The following MYO16 variants were observed in gnomAD, a reference collection of about 807,000 sequenced individuals.
The protein encoded by MYO16 is myosin XVI.
MYO16 carries 94 observed loss-of-function variants against 205.3 expected under a neutral mutation model. That is an observed-to-expected ratio of 0.46 (90% CI 0.39 to 0.54). The LOEUF is 0.54. Among genes scored for constraint, MYO16 ranks in the 20% least tolerant of loss-of-function variants. The pLI, the probability that MYO16 is intolerant of heterozygous loss-of-function variation, is 0.00. For synonymous variants in MYO16, 988 were observed against 954.0 expected, an observed-to-expected ratio of 1.04 and a Z score of -0.66; for missense variants, 2,315 against 2,387.5, an observed-to-expected ratio of 0.97 and a Z score of 0.63.
At chr13:108,938,951 C>T (rs1395807699) in intron 16 of MYO16, among the ~76,000 whole-genome samples, 1 of 152,190 alleles carries the variant, frequency 6.6e-6, no homozygotes, top group Non-Finnish European at 1.5e-5. Context: ...CAAGACTCAC[C>T]GCTCAGGAGA....
At chr13:109,037,713 G>A (rs1184988403) in intron 23 of MYO16, among the ~76,000 whole-genome samples, 1 of 152,034 alleles carries the variant, frequency 6.6e-6, no homozygotes, top group Non-Finnish European at 1.5e-5. Context: ...GGAAGAAAGA[G>A]CTAGAGAGAG....
chr13:108,949,247 G>A (rs906913636), intron 16 of MYO16, among the ~76,000 whole-genome samples: 2 of 152,110 alleles, frequency 1.3e-5, no homozygotes, highest in African/African-American at 2.4e-5. Flanking sequence ...TTAGTCTAAA[G>A]AAGGCACCAT....
intron 29 of MYO16, among the ~76,000 whole-genome samples, chr13:109,122,474 T>G (rs1465068531): frequency 6.6e-6 from 1 of 151,584 alleles, no homozygotes; most frequent in Non-Finnish European, 1.5e-5. Flanking sequence ...TGGTTAGGAG[T>G]TTGAGACCAG....
intron 27 of MYO16, among the ~76,000 whole-genome samples, chr13:109,068,677 C>T (rs975858570): frequency 4.0e-5 from 6 of 151,862 alleles, no homozygotes; most frequent in Admixed American, 3.3e-4. Flanking sequence ...CTGCAACCTC[C>T]ACCTCCCGAG....
At chr13:108,542,471 A>G in the MYO16 span, among the ~76,000 whole-genome samples, 5 of 152,176 alleles carry the variant, frequency 3.3e-5, no homozygotes, top group African/African-American at 1.2e-4. Flanking sequence ...AACCTAAAAT[A>G]AAAGTTAAAA....
At chr13:109,014,483 T>C (rs1310619389) in intron 22 of MYO16, among the ~76,000 whole-genome samples, 3 of 152,174 alleles carry the variant, frequency 2.0e-5, no homozygotes, top group Admixed American at 1.3e-4. Context: ...TTTAAAGTAG[T>C]TTTTTCCAAT....
At chr13:109,168,993 T>C (rs2139888428) in intron 33 of MYO16, among the ~76,000 whole-genome samples, 1 of 152,242 alleles carries the variant, frequency 6.6e-6, no homozygotes, top group Admixed American at 6.5e-5. Context: ...GATTAAGTCG[T>C]TTCATATGCT....
intron 1 of MYO16, among the ~76,000 whole-genome samples, chr13:108,615,135 G>A (rs118014544): frequency 0.019 from 2,813 of 151,928 alleles, 48 homozygotes; most frequent in South Asian, 0.058. Flanking sequence ...AATAATAAAG[G>A]GTAAAGGACG....
chr13:108,927,155 A>G (rs558281730), intron 16 of MYO16, among the ~76,000 whole-genome samples: 1 of 152,260 alleles, frequency 6.6e-6, no homozygotes, highest in African/African-American at 2.4e-5. Flanking sequence ...CCAGATGAAG[A>G]TATAGCACAG....
chr13:108,992,198 G>T (rs1594452663), intron 20 of MYO16, among the ~76,000 whole-genome samples, 178 bp from the exon 21 acceptor site: 1 of 152,024 alleles, frequency 6.6e-6, no homozygotes, highest in Non-Finnish European at 1.5e-5. Context: ...AACAGTTTTG[G>T]GGGGGCTAAC....
chr13:109,044,081 G>A (rs1886965188), intron 23 of MYO16, among the ~76,000 whole-genome samples: 1 of 152,148 alleles, frequency 6.6e-6, no homozygotes, highest in African/African-American at 2.4e-5. Flanking sequence ...CCGAATTACA[G>A]TCAGATCCAA....
At chr13:108,907,809 A>C (rs571285800) in intron 15 of MYO16, among the ~76,000 whole-genome samples, 1 of 152,172 alleles carries the variant, frequency 6.6e-6, no homozygotes, top group Non-Finnish European at 1.5e-5. Flanking sequence ...TTAGTTTTGA[A>C]TACTGCTTCA....
At chr13:108,962,564 C>CT (rs1484330856) in intron 19 of MYO16, 69 bp downstream of exon 19, 1 of 1,076,552 alleles carries the variant, frequency 9.3e-7, no homozygotes, top group Non-Finnish European at 1.4e-6. Flanking sequence ...TACAGTTTGA[C>CT]TTGTCCCCAC....
chr13:108,781,578 C>G (rs191131965), intron 4 of MYO16, among the ~76,000 whole-genome samples: 25 of 152,316 alleles, frequency 1.6e-4, no homozygotes, highest in African/African-American at 5.3e-4. Context: ...GCGAGCCAAG[C>G]TTGGCCCTGG....
the MYO16 span, among the ~76,000 whole-genome samples, chr13:108,503,859 A>T: frequency 6.6e-6 from 1 of 152,190 alleles, no homozygotes; most frequent in Non-Finnish European, 1.5e-5. Flanking sequence ...TATTTAAAAA[A>T]AGCCAGATAA....
At chr13:109,081,554 C>T (rs892797837) in intron 27 of MYO16, among the ~76,000 whole-genome samples, 2 of 152,250 alleles carry the variant, frequency 1.3e-5, no homozygotes, top group Non-Finnish European at 2.9e-5. Context: ...GAAAAGAGTA[C>T]TTAAGTGCTC....
At chr13:109,191,840 C>T (rs1296250508) in intron 34 of MYO16, among the ~76,000 whole-genome samples, 2 of 152,118 alleles carry the variant, frequency 1.3e-5, no homozygotes, top group Non-Finnish European at 2.9e-5. Context: ...TCATTTTACT[C>T]GGTTTGGAAA....
intron 6 of MYO16, among the ~76,000 whole-genome samples, chr13:108,796,047 AAGGAGCCCAT>A (rs1271233426): frequency 2.0e-5 from 3 of 152,188 alleles, no homozygotes; most frequent in African/African-American, 4.8e-5. Context: ...GGGAAACAGC[AAGGAGCCCAT>A]ATGGCTGAAG....
intron 16 of MYO16, among the ~76,000 whole-genome samples, chr13:108,924,670 A>G (rs1594399969): frequency 6.6e-6 from 1 of 152,214 alleles, no homozygotes; most frequent in African/African-American, 2.4e-5. Flanking sequence ...ATTGCTAGCT[A>G]GGGCACTTCC....
Sources: allele counts gnomAD v4.1 joint callset (sites outside exome capture counted in the v4.1 genomes callset), GRCh38; gene constraint gnomAD v4.1.1; transcripts MANE v1.5; gene names NCBI Gene and HGNC (gene_info 2026-07-23, HGNC 2026-07-21).